Variants in CREB3L3 observed in about 807,000 individuals in gnomAD.
CREB3L3 encodes cAMP responsive element binding protein 3 like 3, also known as cyclic AMP-responsive element-binding protein 3-like protein 3.
CREB3L3 carries 40 observed loss-of-function variants against 44.6 expected under a neutral mutation model. The observed-to-expected ratio is 0.90, with a 90% CI of 0.70 to 1.17. CREB3L3 has a LOEUF of 1.17. CREB3L3 is among the 50% of genes most tolerant of loss of function. The pLI is 0.00. For synonymous variants in CREB3L3, 273 were observed against 256.3 expected (o/e 1.06, Z -0.62); for missense variants, 578 against 595.8 (o/e 0.97, Z 0.31).
chr19:4,160,130 T>C (rs2041639634), intron 4 of CREB3L3, among the ~76,000 whole-genome samples: 1 of 151,518 alleles, frequency 6.6e-6, no homozygotes, highest in African/African-American at 2.4e-5. Context: ...ACCCCATCTA[T>C]ACAAAAAATA....
intron 5 of CREB3L3, among the ~76,000 whole-genome samples, chr19:4,167,676 GGTGGT>G (rs1966947139): frequency 6.6e-6 from 1 of 152,174 alleles, no homozygotes; most frequent in African/African-American, 2.4e-5. Flanking sequence ...ATGGCCACAA[GGTGGT>G]GGAGTGGTAC....
intron 3 of CREB3L3, among the ~76,000 whole-genome samples, chr19:4,159,342 G>A (rs1037923413): frequency 4.3e-4 from 61 of 141,138 alleles, no homozygotes; most frequent in African/African-American, 1.5e-3. Flanking sequence ...ATAGAGATGG[G>A]ATTTCACCAT....
At position 4,159,764 on chromosome 19, in the gene CREB3L3, G is replaced by C; in HGVS notation, c.558G>C (p.Ser186=). Residue 186 remains serine (S), a synonymous_variant, in exon 4 of 10, where the codon TCG becomes TCC. Coordinates refer to ENST00000078445, the MANE Select transcript of CREB3L3 (RefSeq NM_032607.3). ...CNLTVKDLLL[S]GSSGDLQQHH... The stretch of plus-strand genomic sequence containing the variant: ...TCACCGTGAAAGACCTCCTCCTTTC[G>C]GGCAGCAGTGGGGACCTGGTGAGCA... 1 of 1,503,738 alleles carries C rather than the reference G, an allele frequency of 6.7e-7. No individual in the cohort carries two copies. The highest frequency in any genetic ancestry group is 9.3e-7 in the Non-Finnish European group (1 of 1,079,530). The allele number at this position is 1,503,738 out of a possible 1,614,324, so 93.1% of individuals were successfully genotyped here.
At position 4,167,083 on chromosome 19, in the gene CREB3L3, C is replaced by T. The variant is rs541860155; in HGVS notation, c.715-1268C>T. ...ATTGGCCGGGTGTGGTGTCTCATGC[C>T]TGTAATCCCAGCTCTTTGGGAGGCA... is the stretch of plus-strand genomic sequence containing the variant. On this transcript the variant is annotated intron_variant, in intron 5 of 9. Transcript: ENST00000078445. Among the ~76,000 whole-genome samples, 3 of 152,230 alleles carry T rather than the reference C, an allele frequency of 2.0e-5. No homozygotes were observed. The South Asian group carries it at 6.2e-4, about 32-fold the overall frequency.
intron 1 of CREB3L3, among the ~76,000 whole-genome samples, chr19:4,154,352 G>C (rs2041545991): frequency 6.6e-6 from 1 of 152,074 alleles, no homozygotes; most frequent in African/African-American, 2.4e-5. Flanking sequence ...GATTACAGAT[G>C]TGAGCCACCG....
intron 2 of CREB3L3, among the ~76,000 whole-genome samples, chr19:4,155,656 C>T (rs2041562216): frequency 6.6e-6 from 1 of 151,384 alleles, no homozygotes; most frequent in Non-Finnish European, 1.5e-5. Context: ...GCGCCCGGCC[C>T]ACTTTCTTTT....
rs754483197 is a variant in CREB3L3 at position 4,171,057 on chromosome 19, T to C, written c.891-34T>C. ...GACGAGAAGCAGAACCGAGGCCCTT[T>C]AGGGCTCAGCGGAGGCCTGCCTGTC... On this transcript the variant is annotated intron_variant, in intron 7 of 9. Coordinates refer to ENST00000078445, the MANE Select transcript of CREB3L3 (RefSeq NM_032607.3). This position sits in a 1 kb window ranked among gnomAD's most constrained non-coding sequence, Gnocchi z 4.9. 2 of 1,570,402 alleles carry C rather than the reference T, an allele frequency of 1.3e-6. No individual in the cohort carries two copies. Among genetic ancestry groups the C allele is most frequent in the Admixed American group, 1.7e-5 (1 of 59,970 alleles).
chr19:4,172,392 C>G lies in CREB3L3; in HGVS notation c.*423C>G. 3.0e-6 allele frequency: 1 copy of G among 334,682 alleles called. No individual in the cohort carries two copies. Among genetic ancestry groups the G allele is most frequent in the South Asian group, 2.7e-5 (1 of 36,932 alleles). 20.7% of individuals were successfully genotyped at this position (334,682 alleles called of 1,614,324 possible). On this transcript the variant is annotated 3_prime_UTR_variant, in exon 10 of 10. Coordinates refer to ENST00000078445, the MANE Select transcript of CREB3L3 (RefSeq NM_032607.3). Reference sequence around the variant, plus strand: ...AGCCTGAAACAGACCCAGACACAGCCTGAAACAGATCCGGACAGACAGACA... The same window carrying G: ...AGCCTGAAACAGACCCAGACACAGCGTGAAACAGATCCGGACAGACAGACA...
At chr19:4,170,261 C>CT in intron 7 of CREB3L3, 53 bp downstream of exon 7, 1 of 1,562,388 alleles carries the variant, frequency 6.4e-7, no homozygotes. Flanking sequence ...CCCAGAGTCC[C>CT]TTTGCAGGAA....
At chr19:4,165,140 G>A (rs971281274) in intron 5 of CREB3L3, among the ~76,000 whole-genome samples, 3 of 151,890 alleles carry the variant, frequency 2.0e-5, no homozygotes. Flanking sequence ...AATGAATGGC[G>A]GACTCCAGGT....
chr19:4,159,627 C>T, intron 3 of CREB3L3, 37 bp from the exon 4 acceptor site: 2 of 953,928 alleles, frequency 2.1e-6, no homozygotes, highest in Non-Finnish European at 3.5e-6. Flanking sequence ...CCCCGTCTGA[C>T]ACTCTCCCTG....
chr19:4,155,148 T>A, intron 2 of CREB3L3, 121 bp downstream of exon 2: 1 of 1,249,906 alleles, frequency 8.0e-7, no homozygotes, highest in Non-Finnish European at 1.1e-6. Flanking sequence ...TACGATGCAC[T>A]AATGGGTCAC....
At chr19:4,168,515 A>C (rs1264990790) in intron 6 of CREB3L3, 58 bp downstream of exon 6, 14 of 1,375,912 alleles carry the variant, frequency 1.0e-5, no homozygotes, top group Non-Finnish European at 1.3e-5. Context: ...CCCAGAGAGA[A>C]GGAGATGTGG....
At position 4,164,317 on chromosome 19, in the gene CREB3L3, A is replaced by G. The variant is rs1427242300; in HGVS notation, c.577-186A>G. The stretch of plus-strand genomic sequence containing the variant: ...GAGACGAGGTTTCATCATGTTACCC[A>G]GGCTGGTCTCGATCTCCTGAGCTCA... On this transcript the variant is annotated intron_variant, in intron 4 of 9. Coordinates refer to ENST00000078445, the MANE Select transcript of CREB3L3 (RefSeq NM_032607.3). 5.2e-5 allele frequency: 37 copies of G among 704,966 alleles called. No individual in the cohort carries two copies. The East Asian group carries it at 8.4e-4, about 16-fold the overall frequency. The allele number at this position is 704,966 out of a possible 1,614,324, so 43.7% of individuals were successfully genotyped here.
In CREB3L3 at chr19:4,168,404, G is replaced by A. The variant is rs755974533; in HGVS notation, c.768G>A (p.Ser256=). The change falls in exon 6 of 10, where the codon TCG becomes TCA. Residue 256 remains serine (S), a synonymous_variant. Coordinates refer to ENST00000078445, the MANE Select transcript of CREB3L3 (RefSeq NM_032607.3). ...KIRRKIRNKQ[S]AQESRKKKKE... ...GCCGGAAAATCCGGAACAAGCAGTCGGCGCAAGAAAGCAGGAAGAAGAAGA... is the reference window on the plus strand; with the variant it reads ...GCCGGAAAATCCGGAACAAGCAGTCAGCGCAAGAAAGCAGGAAGAAGAAGA... 9.9e-6 allele frequency: 16 copies of A among 1,611,486 alleles called. No individual in the cohort carries two copies. The highest frequency in any genetic ancestry group is 1.7e-4 in the Middle Eastern group (1 of 6,044).
Position 4,171,205 on chromosome 19 carries a change from G to C in CREB3L3, c.975+30G>C. The C allele has an allele frequency of 6.3e-7, 1 of 1,598,226 alleles. No individual in the cohort carries two copies. The highest frequency in any genetic ancestry group is 8.6e-7 in the Non-Finnish European group (1 of 1,165,634). ...GTCCTGGTGCCCCCAGGCAAGCCGG[G>C]GACCTAGGCTTCTGTAGAGGGGCCC... On this transcript the variant is annotated intron_variant, in intron 8 of 9. Transcript: ENST00000078445. The surrounding 1 kb of genome is among the most constrained non-coding windows in gnomAD (Gnocchi z 4.9).
intron 6 of CREB3L3, 58 bp downstream of exon 6, chr19:4,168,515 A>G: frequency 1.5e-6 from 2 of 1,376,028 alleles, no homozygotes; most frequent in South Asian, 2.4e-5. Flanking sequence ...CCCAGAGAGA[A>G]GGAGATGTGG....
chr19:4,167,973 T>TTTTATTTATTTATTTA (rs58194210), intron 5 of CREB3L3, among the ~76,000 whole-genome samples: 2,681 of 144,846 alleles, frequency 0.019, 47 homozygotes, highest in East Asian at 0.034. Flanking sequence ...ATTTTAATTA[T>TTTTATTTATTTATTTA]TTTATTTATT....
At chr19:4,164,226 G>T (rs929308644) in intron 4 of CREB3L3, among the ~76,000 whole-genome samples, 1 of 151,874 alleles carries the variant, frequency 6.6e-6, no homozygotes, top group Non-Finnish European at 1.5e-5. Flanking sequence ...GCCCACCTCG[G>T]CCTCCCAAAG....
Sources: gnomAD v4.1 joint callset for allele counts (sites outside exome capture counted in the v4.1 genomes callset) on GRCh38, gnomAD v4.1.1 for gene constraint, Gnocchi (gnomAD v3.1) non-coding constraint, MANE v1.5 for transcripts, NCBI Gene and HGNC (gene_info 2026-07-23, HGNC 2026-07-21) for gene names.